EDIL3: variants seen among roughly 807,000 people sequenced by gnomAD.
The protein encoded by EDIL3 is EGF like and discoidin domains 3, also known as EGF-like repeat and discoidin I-like domain-containing protein 3.
Under a neutral mutation model 67.4 loss-of-function variants are expected in EDIL3, and 37 were observed. The observed-to-expected ratio is 0.55, with a 90% CI of 0.42 to 0.72. The LOEUF is 0.72. EDIL3 is among the 30% of genes least tolerant of loss of function. EDIL3 has a pLI of 0.00. For missense variants in EDIL3, 527 were observed against 586.3 expected, an observed-to-expected ratio of 0.90 and a Z score of 1.04; for synonymous variants, 195 against 196.3, an observed-to-expected ratio of 0.99 and a Z score of 0.05.
intron 2 of EDIL3, among the ~76,000 whole-genome samples, chr5:84,240,604 G>T (rs1045434011): frequency 6.6e-6 from 1 of 152,102 alleles, no homozygotes; most frequent in African/African-American, 2.4e-5. Context: ...GTTATCTAGG[G>T]TGTGGCCTCC....
At chr5:84,231,797 G>A (rs1301863003) in intron 2 of EDIL3, among the ~76,000 whole-genome samples, 3 of 152,138 alleles carry the variant, frequency 2.0e-5, no homozygotes, top group African/African-American at 7.2e-5. Context: ...GTAGCTTCCA[G>A]GAATTCCCTT....
chr5:84,223,079 T>A (rs1177513409), intron 3 of EDIL3, among the ~76,000 whole-genome samples: 1 of 151,826 alleles, frequency 6.6e-6, no homozygotes, highest in Non-Finnish European at 1.5e-5. Flanking sequence ...TACATTTTTT[T>A]CTTCTAGGAG....
intron 2 of EDIL3, among the ~76,000 whole-genome samples, chr5:84,230,738 C>T (rs995212715): frequency 4.0e-5 from 6 of 149,860 alleles, no homozygotes; most frequent in African/African-American, 1.5e-4. Flanking sequence ...GATTCCAGTT[C>T]TCTCTCTCTC....
chr5:84,047,769 C>T (rs772632076), intron 9 of EDIL3: 1 of 152,020 alleles, frequency 6.6e-6, no homozygotes, highest in Non-Finnish European at 1.5e-5. Flanking sequence ...TCAGCCCTCA[C>T]ATCTATATTT....
At chr5:84,041,527 G>A (rs1461780023) in intron 9 of EDIL3, among the ~76,000 whole-genome samples, 2 of 147,794 alleles carry the variant, frequency 1.4e-5, no homozygotes, top group Non-Finnish European at 3.0e-5. Context: ...AAGACAGCTT[G>A]TAGAAAATGT....
At chr5:84,073,976 C>T (rs1320021037) in intron 6 of EDIL3, among the ~76,000 whole-genome samples, 16 of 151,680 alleles carry the variant, frequency 1.1e-4, no homozygotes, top group African/African-American at 3.1e-4. Flanking sequence ...ACCAAAACAG[C>T]ATGGTACTGG....
intron 4 of EDIL3, among the ~76,000 whole-genome samples, chr5:84,157,731 A>AAAG (rs3836851): frequency 0.43 from 65,466 of 151,500 alleles, 14,598 homozygotes; most frequent in East Asian, 0.74. Flanking sequence ...GAATGATACA[A>AAAG]AAGAAGAAGA....
At chr5:84,211,970 G>A (rs1352250061) in intron 3 of EDIL3, among the ~76,000 whole-genome samples, 1 of 152,074 alleles carries the variant, frequency 6.6e-6, no homozygotes, top group Non-Finnish European at 1.5e-5. Context: ...CTACAACATA[G>A]TTTCCATATT....
At chr5:84,289,692 T>G (rs1745876586) in intron 1 of EDIL3, among the ~76,000 whole-genome samples, 1 of 152,172 alleles carries the variant, frequency 6.6e-6, no homozygotes, top group South Asian at 2.1e-4. Flanking sequence ...TAGGACACTT[T>G]CCTTATTGAT....
intron 1 of EDIL3, among the ~76,000 whole-genome samples, chr5:84,284,498 C>A (rs1348575481): frequency 6.6e-6 from 1 of 152,080 alleles, no homozygotes; most frequent in African/African-American, 2.4e-5. Flanking sequence ...CAGCACCTAG[C>A]ATGCTACACA....
intron 9 of EDIL3, among the ~76,000 whole-genome samples, chr5:84,055,872 C>G (rs1485867468): frequency 2.6e-5 from 4 of 152,130 alleles, no homozygotes; most frequent in Admixed American, 6.5e-5. Flanking sequence ...GGACTGTAAA[C>G]TAGTTCAACC....
intron 5 of EDIL3, 45 bp from the exon 6 acceptor site, chr5:84,106,875 G>T: frequency 6.5e-7 from 1 of 1,541,330 alleles, no homozygotes. Flanking sequence ...TAGAAACAAT[G>T]CATATACAAC....
chr5:84,044,861 C>T (rs995210077), intron 9 of EDIL3, among the ~76,000 whole-genome samples: 7 of 152,020 alleles, frequency 4.6e-5, no homozygotes, highest in Non-Finnish European at 7.4e-5. Context: ...GGTGGGCTGC[C>T]GAGAAACAAC....
At chr5:84,245,354 A>G (rs1305032105) in intron 2 of EDIL3, among the ~76,000 whole-genome samples, 1 of 152,168 alleles carries the variant, frequency 6.6e-6, no homozygotes, top group Non-Finnish European at 1.5e-5. Context: ...CTCCAAATCT[A>G]TATTACTATG....
At chr5:84,312,166 C>G (rs531295748) in intron 1 of EDIL3, among the ~76,000 whole-genome samples, 341 of 141,432 alleles carry the variant, frequency 2.4e-3, no homozygotes, top group African/African-American at 8.6e-3. Flanking sequence ...CCTCCCGGAC[C>G]GGGCAGCTGG....
At chr5:84,186,074 T>G (rs1743426584) in intron 3 of EDIL3, among the ~76,000 whole-genome samples, 1 of 152,080 alleles carries the variant, frequency 6.6e-6, no homozygotes, top group Admixed American at 6.6e-5. Context: ...TGCAACAGTT[T>G]CCAGTTTTAT....
intron 6 of EDIL3, among the ~76,000 whole-genome samples, chr5:84,096,800 A>G (rs1747272650): frequency 6.6e-6 from 1 of 152,228 alleles, no homozygotes. Flanking sequence ...TGTAGTTCCC[A>G]TAATTTCCAC....
chr5:84,152,274 A>T (rs1748410151), intron 4 of EDIL3, among the ~76,000 whole-genome samples: 1 of 152,248 alleles, frequency 6.6e-6, no homozygotes. Context: ...TGTATGTTTA[A>T]AGGAGATTTT....
intron 9 of EDIL3, among the ~76,000 whole-genome samples, chr5:84,022,189 A>G (rs935098768): frequency 6.6e-6 from 1 of 151,922 alleles, no homozygotes; most frequent in African/African-American, 2.4e-5. Context: ...AACATATTCA[A>G]TAACACAACA....
Sources: allele counts gnomAD v4.1 joint callset (sites outside exome capture counted in the v4.1 genomes callset), GRCh38; gene constraint gnomAD v4.1.1; transcripts MANE v1.5; gene names NCBI Gene and HGNC (gene_info 2026-07-23, HGNC 2026-07-21).